The following CCNH variants were observed in gnomAD, a reference collection of about 807,000 sequenced individuals.
The protein encoded by CCNH is cyclin H.
Under a neutral mutation model 41.9 loss-of-function variants are expected in CCNH, and 31 were observed. That is an observed-to-expected ratio of 0.74 (90% CI 0.56 to 1.00). The LOEUF is 1.00. Ranked by LOEUF, CCNH falls within the 50% of genes least tolerant of loss-of-function variation. The pLI is 0.00. For synonymous variants in CCNH, 138 were observed against 136.1 expected, an observed-to-expected ratio of 1.01 and a Z score of -0.10; for missense variants, 362 against 388.4, an observed-to-expected ratio of 0.93 and a Z score of 0.57.
intron 6 of CCNH, among the ~76,000 whole-genome samples, chr5:87,400,331 C>A (rs897410130): frequency 6.6e-6 from 1 of 152,152 alleles, no homozygotes; most frequent in Non-Finnish European, 1.5e-5. Context: ...TAGCATTAAA[C>A]TTCTGAGTGT....
At chr5:87,338,155 C>T (rs773020418) in intron 9 of CCNH, 91 of 1,601,366 alleles carry the variant, frequency 5.7e-5, no homozygotes, top group Non-Finnish European at 7.4e-5. Context: ...GGATCTTGTC[C>T]GTAATCAGAG....
At chr5:87,315,487 A>G (rs1176945853), downstream of CCNH, among the ~76,000 whole-genome samples, 1 of 152,250 alleles carries the variant, frequency 6.6e-6, no homozygotes, top group Non-Finnish European at 1.5e-5. Flanking sequence ...CTGTCAATGT[A>G]TGAATTTGGG....
rs200197533 is a variant in CCNH, at chr5:87,363,388, G to A, written c.*90+29382C>T. ...GGAAAAATTTATATTTTATCTTAGA[G>A]GGTAGTGATGCCCAACTTATTTATT... On this transcript the variant is annotated intron_variant and NMD_transcript_variant, in intron 9 of 9. Transcript: ENST00000645953. 1,226 of 1,610,880 alleles carry A rather than the reference G, an allele frequency of 7.6e-4. 19 individuals are homozygous for A. In the South Asian group the frequency reaches 0.012, roughly 15 times the overall value.
chr5:87,381,587 T>C (rs1477315066), upstream of CCNH, among the ~76,000 whole-genome samples: 2 of 152,208 alleles, frequency 1.3e-5, no homozygotes, highest in Admixed American at 6.5e-5. Flanking sequence ...TATTTCTTTT[T>C]TTGGGGGGCA....
At chr5:87,374,128 G>C, downstream of CCNH, 1 of 1,305,466 alleles carries the variant, frequency 7.7e-7, no homozygotes, top group Non-Finnish European at 9.9e-7. Context: ...TAGAAATCTG[G>C]GGTAATATAT....
intron 9 of CCNH, chr5:87,331,374 C>G: frequency 6.2e-7 from 1 of 1,611,802 alleles, no homozygotes; most frequent in Non-Finnish European, 8.5e-7. Context: ...CTTGACAGAA[C>G]GATAGCAGAA....
At chr5:87,324,941 C>CT (rs1757112904) in intron 9 of CCNH, among the ~76,000 whole-genome samples, 1 of 151,906 alleles carries the variant, frequency 6.6e-6, no homozygotes, top group Non-Finnish European at 1.5e-5. Context: ...AAATCAGTTG[C>CT]TTTTTTAATT....
intron 7 of CCNH, among the ~76,000 whole-genome samples, chr5:87,395,773 G>A (rs748381464): frequency 2.0e-5 from 3 of 152,146 alleles, no homozygotes; most frequent in Non-Finnish European, 4.4e-5. Flanking sequence ...AGAGGCTCAG[G>A]TAGGAAGATC....
intron 9 of CCNH, among the ~76,000 whole-genome samples, chr5:87,358,800 T>C (rs1256410317): frequency 1.3e-5 from 2 of 149,964 alleles, no homozygotes; most frequent in African/African-American, 4.8e-5. Context: ...TGCTTCTGTA[T>C]TATTATTTGT....
Position 87,404,988 on chromosome 5 carries a change from T to C in CCNH, c.545A>G (p.Glu182Gly). Reference protein sequence around the residue: ...IDLKTRYPILENPEILRKTAD... With the variant: ...IDLKTRYPILGNPEILRKTAD... Reference sequence around the variant, plus strand: ...TGTTTTCCTCAAAATCTCTGGATTCTCCAATATGGGATAGCGGGTCTACAA... The same window carrying C: ...TGTTTTCCTCAAAATCTCTGGATTCCCCAATATGGGATAGCGGGTCTACAA... Residue 182 changes from glutamate (E) to glycine (G), a missense_variant, in exon 5 of 9, where the codon GAG becomes GGG. Coordinates refer to ENST00000256897, the MANE Select transcript of CCNH (RefSeq NM_001239.4). The C allele has an allele frequency of 5.0e-6, 8 of 1,612,674 alleles. No individual in the cohort carries two copies. Among genetic ancestry groups the C allele is most frequent in the Non-Finnish European group, 6.8e-6 (8 of 1,179,350 alleles).
chr5:87,401,796 TC>T (rs769595368), intron 5 of CCNH, 24 bp from the exon 6 acceptor site: 2 of 1,397,466 alleles, frequency 1.4e-6, no homozygotes, highest in East Asian at 2.3e-5. Flanking sequence ...GAAAAAAAAA[TC>T]TATTGAAAAC....
intron 9 of CCNH, chr5:87,383,839 A>G (rs1761892563): frequency 2.2e-6 from 3 of 1,347,826 alleles, no homozygotes; most frequent in Non-Finnish European, 2.1e-6. Context: ...GTTTCATACT[A>G]TTTAAGAATA....
At chr5:87,386,289 T>C (rs201031485) in intron 9 of CCNH, among the ~76,000 whole-genome samples, 4 of 152,082 alleles carry the variant, frequency 2.6e-5, no homozygotes, top group Admixed American at 2.6e-4. Context: ...TATAGCATGG[T>C]TTTAAGTAGT....
chr5:87,316,039 A>C (rs767834384), downstream of CCNH, among the ~76,000 whole-genome samples: 1 of 152,234 alleles, frequency 6.6e-6, no homozygotes, highest in Non-Finnish European at 1.5e-5. Context: ...CTGTATACCA[A>C]ATAATACATT....
chr5:87,349,423 A>G (rs1759099886), intron 9 of CCNH: 2 of 1,568,956 alleles, frequency 1.3e-6, no homozygotes, highest in African/African-American at 2.7e-5. Flanking sequence ...AAATCTTGAT[A>G]ATACAGTATT....
chr5:87,376,818 A>G, exon 1 of CCNH: 1 of 1,461,670 alleles, frequency 6.8e-7, no homozygotes, highest in Non-Finnish European at 9.6e-7. Flanking sequence ...ATTTCTTGTT[A>G]GTCTCATGGA....
chr5:87,333,810 A>G (rs760643251), intron 9 of CCNH, among the ~76,000 whole-genome samples: 1 of 152,142 alleles, frequency 6.6e-6, no homozygotes, highest in African/African-American at 2.4e-5. Context: ...TCTATAAGCT[A>G]TTTAATTTTC....
downstream of CCNH, chr5:87,390,859 T>C (rs538998012): frequency 1.7e-5 from 28 of 1,613,052 alleles, no homozygotes; most frequent in East Asian, 2.2e-5. Context: ...AAAACCAGTA[T>C]ACAAAAACCA....
At chr5:87,372,119 A>C (rs1318268912), downstream of CCNH, 1 of 1,613,030 alleles carries the variant, frequency 6.2e-7, no homozygotes, top group Admixed American at 1.7e-5. Context: ...TCTTTGCAGG[A>C]TTGGATGAAA....
Sources: gnomAD v4.1 joint callset for allele counts (sites outside exome capture counted in the v4.1 genomes callset) on GRCh38, gnomAD v4.1.1 for gene constraint, MANE v1.5 for transcripts, NCBI Gene and HGNC (gene_info 2026-07-23, HGNC 2026-07-21) for gene names.